Variants in NUDT5 observed in about 807,000 individuals in gnomAD.
NUDT5 encodes nudix hydrolase 5, also known as ADP-sugar pyrophosphatase.
A neutral mutation model predicts 34.1 loss-of-function variants in NUDT5; 21 were observed. The ratio of observed to expected loss-of-function variants is 0.62; its 90% CI spans 0.44 to 0.89. The LOEUF is 0.89. Among genes scored for constraint, NUDT5 ranks in the 40% least tolerant of loss-of-function variants. The pLI is 0.00. For missense variants in NUDT5, 249 were observed against 274.8 expected, an observed-to-expected ratio of 0.91 and a Z score of 0.66; for synonymous variants, 85 against 97.6, an observed-to-expected ratio of 0.87 and a Z score of 0.76.
intron 1 of NUDT5, 25 bp from the exon 2 acceptor site, chr10:12,186,357 G>C: frequency 8.2e-7 from 1 of 1,221,590 alleles, no homozygotes; most frequent in Non-Finnish European, 1.2e-6. Context: ...GATTTGTTCA[G>C]GCTAAAATTA....
chr10:12,171,768 G>A lies in NUDT5; in HGVS notation c.488-860C>T, dbSNP rs932225457. Among the ~76,000 whole-genome samples the A allele has an allele frequency of 1.0e-4, 15 of 149,892 alleles. No homozygotes were observed. Among genetic ancestry groups the A allele is most frequent in the African/African-American group, 3.0e-4 (12 of 40,586 alleles). On this transcript the variant is annotated intron_variant, in intron 7 of 9. Coordinates refer to ENST00000491614, the MANE Select transcript of NUDT5 (RefSeq NM_014142.4). This position sits in a 1 kb window ranked among gnomAD's most constrained non-coding sequence, Gnocchi z 4.2. The stretch of plus-strand genomic sequence containing the variant: ...GAGACAGGGTCTCAGTCTGTTGCCC[G>A]GGCTGGAGTGCAGTGGTGTGATCTT...
At chr10:12,183,684 A>G (rs1387796218) in intron 3 of NUDT5, among the ~76,000 whole-genome samples, 1 of 152,230 alleles carries the variant, frequency 6.6e-6, no homozygotes, top group Non-Finnish European at 1.5e-5. Flanking sequence ...TATAATATCA[A>G]AAGATTGCTA....
At position 12,184,889 on chromosome 10, in the gene NUDT5, C is replaced by T; in HGVS notation, c.131G>A (p.Arg44Lys). The T allele has an allele frequency of 6.4e-7, 1 of 1,551,354 alleles. No homozygotes were observed. The highest frequency in any genetic ancestry group is 8.8e-7 in the Non-Finnish European group (1 of 1,138,596). The change falls in exon 3 of 10, where the codon AGA (arginine) becomes AAA (lysine). Residue 44 changes from arginine to lysine, a missense_variant and splice_region_variant. Transcript: ENST00000491614. The part of the protein sequence containing the change: ...TTYMDPTGKT[R>K]TWESVKRTTR... ...TTTGTAAGAAAAAAAAAAAGTTTAC[C>T]TAGTTTTACCAGTAGGATCCATGTA...
intron 5 of NUDT5, among the ~76,000 whole-genome samples, chr10:12,174,258 T>C (rs949730120): frequency 6.7e-6 from 1 of 150,264 alleles, no homozygotes; most frequent in African/African-American, 2.5e-5. Context: ...ACCTGAGGAT[T>C]GGAACTCTTT....
In NUDT5 at chr10:12,174,503, C is replaced by T. The variant is rs1228959319; in HGVS notation, c.290-690G>A. Among the ~76,000 whole-genome samples the T allele has an allele frequency of 2.0e-5, 3 of 150,878 alleles. No homozygotes were observed. The South Asian group carries it at 6.3e-4, about 32-fold the overall frequency. On this transcript the variant is annotated intron_variant, in intron 5 of 9. Coordinates refer to ENST00000491614, the MANE Select transcript of NUDT5 (RefSeq NM_014142.4). Reference sequence around the variant, plus strand: ...TGTTGGCCAGGCTGCTTTCGAACTCCTGGCCTCAAGTGATTCACCCGCCTC... The same window carrying T: ...TGTTGGCCAGGCTGCTTTCGAACTCTTGGCCTCAAGTGATTCACCCGCCTC...
At chr10:12,186,203 A>G in intron 2 of NUDT5, 26 bp downstream of exon 2, 7 of 1,539,836 alleles carry the variant, frequency 4.5e-6, no homozygotes, top group African/African-American at 1.4e-5. Flanking sequence ...TGGGGGAGGG[A>G]AGGGAAAGTG....
In NUDT5 at chr10:12,184,966, T is replaced by G; in HGVS notation, c.64-10A>C. 2 of 1,453,166 alleles carry G rather than the reference T, an allele frequency of 1.4e-6. No homozygotes were observed. The highest frequency in any genetic ancestry group is 2.4e-5 in the South Asian group (2 of 84,330). The allele number at this position is 1,453,166 out of a possible 1,614,324, so 90.0% of individuals were successfully genotyped here. A position where few individuals can be genotyped will look rare whatever the true frequency, so the allele number is the denominator to read the frequency against. On this transcript the variant is annotated splice_polypyrimidine_tract_variant and intron_variant, in intron 2 of 9. Transcript: ENST00000491614. Reference sequence around the variant, plus strand: ...TTCCTTCTGAAATTAACTAAAAGGATATCAGATAATAAGTTGGGAAACTTT... The same window carrying G: ...TTCCTTCTGAAATTAACTAAAAGGAGATCAGATAATAAGTTGGGAAACTTT...
In NUDT5 at chr10:12,173,678, G is replaced by A. The variant is rs1834898674; in HGVS notation, c.385+40C>T. The stretch of plus-strand genomic sequence containing the variant: ...CAAATAATCAATCCCTTCCCAGACG[G>A]AGGAATCCATCACTTGGTGAATTTT... On this transcript the variant is annotated intron_variant, in intron 6 of 9. Transcript: ENST00000491614. The surrounding 1 kb of genome is among the most constrained non-coding windows in gnomAD (Gnocchi z 4.7). The A allele has an allele frequency of 7.1e-7, 1 of 1,401,498 alleles. No individual in the cohort carries two copies. Among genetic ancestry groups the A allele is most frequent in the African/African-American group, 1.4e-5 (1 of 70,768 alleles). The allele number at this position is 1,401,498 out of a possible 1,614,324, so 86.8% of individuals were successfully genotyped here.
At chr10:12,172,646 A>G (rs1158337479) in intron 7 of NUDT5, 119 bp downstream of exon 7, 7 of 690,456 alleles carry the variant, frequency 1.0e-5, no homozygotes, top group East Asian at 2.7e-5. Context: ...GATGAAGTCT[A>G]TTTGAAAGAC....
chr10:12,170,032 T>C lies in NUDT5; in HGVS notation c.550+685A>G. 1 of 1,387,904 alleles carries C rather than the reference T, an allele frequency of 7.2e-7. No individual in the cohort carries two copies. The highest frequency in any genetic ancestry group is 1.7e-5 in the Admixed American group (1 of 58,314). 86.0% of individuals were successfully genotyped at this position (1,387,904 alleles called of 1,614,324 possible). On this transcript the variant is annotated intron_variant, in intron 9 of 9. Coordinates refer to ENST00000491614, the MANE Select transcript of NUDT5 (RefSeq NM_014142.4). This position sits in a 1 kb window ranked among gnomAD's most constrained non-coding sequence, Gnocchi z 4.9. ...ACAGAGGTGCTCCTTGAAGGGCCCA[T>C]GGTATGTCTCCATACAGTATCTCCT...
intron 2 of NUDT5, among the ~76,000 whole-genome samples, chr10:12,185,446 A>G (rs913157832): frequency 2.0e-5 from 3 of 152,242 alleles, no homozygotes; most frequent in Non-Finnish European, 4.4e-5. Context: ...TGGATCTCCT[A>G]TCATGACACG....
intron 3 of NUDT5, among the ~76,000 whole-genome samples, chr10:12,184,293 C>T (rs1414778492): frequency 6.6e-6 from 1 of 152,092 alleles, no homozygotes; most frequent in South Asian, 2.1e-4. Context: ...CCGATGCCCC[C>T]CGCCCCGGCC....
chr10:12,169,091 T>C lies in NUDT5; in HGVS notation c.551-1280A>G, dbSNP rs866209689. Among the ~76,000 whole-genome samples, 7 of 152,196 alleles carry C rather than the reference T, an allele frequency of 4.6e-5. No homozygotes were observed. The highest frequency in any genetic ancestry group is 1.0e-4 in the Non-Finnish European group (7 of 68,036). ...AAACTGATCTTAAAATGTAATACTT[T>C]CCTTCCGACTTCTCAAATGTTGCTG... On this transcript the variant is annotated intron_variant, in intron 9 of 9. Coordinates refer to ENST00000491614, the MANE Select transcript of NUDT5 (RefSeq NM_014142.4). The surrounding 1 kb of genome is among the most constrained non-coding windows in gnomAD (Gnocchi z 4.8).
rs1373553136 is a variant in NUDT5 at position 12,171,682 on chromosome 10, A to ATTTAT, written c.488-779_488-775dup. On this transcript the variant is annotated intron_variant, in intron 7 of 9. Transcript: ENST00000491614. This position sits in a 1 kb window ranked among gnomAD's most constrained non-coding sequence, Gnocchi z 4.2. ...GTATATGTGCAGTTCAAAAATTAAG[A>ATTTAT]TTTATTTTATTTATTTATTTATTTA... 6.9e-6 allele frequency among the ~76,000 whole-genome samples: 1 copy of ATTTAT among 144,216 alleles called. No individual in the cohort carries two copies. The highest frequency in any genetic ancestry group is 2.0e-4 in the East Asian group (1 of 4,994). 94.6% of individuals were successfully genotyped at this position (144,216 alleles called of 152,430 possible).
rs758402653 is a variant in NUDT5 at position 12,166,705 on chromosome 10, ACTGGAAAGTC to A, written c.*987_*996del. The A allele has an allele frequency of 1.2e-5, 6 of 509,424 alleles. No homozygotes were observed. The Admixed American group carries it at 1.3e-4, about 11-fold the overall frequency. The allele number at this position is 509,424 out of a possible 1,614,324, so 31.6% of individuals were successfully genotyped here. A position where few individuals can be genotyped will look rare whatever the true frequency, so the allele number is the denominator to read the frequency against. On this transcript the variant is annotated 3_prime_UTR_variant, in exon 10 of 10. Coordinates refer to ENST00000491614, the MANE Select transcript of NUDT5 (RefSeq NM_014142.4). ...ATCCTGAGAATTCCGTGGGGGCCAGACTGGAAAGTCCTGGAAAATCATGGAGCTGCTGGAG... is the reference window on the plus strand; with the variant it reads ...ATCCTGAGAATTCCGTGGGGGCCAGACTGGAAAATCATGGAGCTGCTGGAG...
rs1171998541 is a variant in NUDT5 at position 12,182,719 on chromosome 10, G to T, written c.131+2170C>A. On this transcript the variant is annotated intron_variant, in intron 3 of 9. Coordinates refer to ENST00000491614, the MANE Select transcript of NUDT5 (RefSeq NM_014142.4). The surrounding 1 kb of genome is among the most constrained non-coding windows in gnomAD (Gnocchi z 4.3). ...ACCAGTCAGGCGAAGAGATGAGCTG[G>T]CGCGAACACATCTTTTTATTTTATT... Among the ~76,000 whole-genome samples, 2 of 152,090 alleles carry T rather than the reference G, an allele frequency of 1.3e-5. No homozygotes were observed. The highest frequency in any genetic ancestry group is 1.3e-4 in the Admixed American group (2 of 15,262).
intron 2 of NUDT5, 140 bp downstream of exon 2, chr10:12,186,089 G>A (rs1005664041): frequency 8.9e-6 from 6 of 677,530 alleles, no homozygotes; most frequent in East Asian, 2.7e-5. Flanking sequence ...AAATGTGCCC[G>A]AGCCCAAAAA....
chr10:12,165,786 A>T lies in NUDT5; in HGVS notation c.*1916T>A, dbSNP rs568865310. On this transcript the variant is annotated 3_prime_UTR_variant, in exon 10 of 10. Coordinates refer to ENST00000491614, the MANE Select transcript of NUDT5 (RefSeq NM_014142.4). ...TGTCTTACGTAGCTTATGCTTACAAAGCCAAATAATCGCAGGGCAAGGCAG... is the reference window on the plus strand; with the variant it reads ...TGTCTTACGTAGCTTATGCTTACAATGCCAAATAATCGCAGGGCAAGGCAG... The T allele has an allele frequency of 2.8e-4, 42 of 152,340 alleles. No individual in the cohort carries two copies. The highest frequency in any genetic ancestry group is 9.9e-4 in the African/African-American group (41 of 41,588). The allele number at this position is 152,340 out of a possible 1,614,324, so 9.4% of individuals were successfully genotyped here. A position where few individuals can be genotyped will look rare whatever the true frequency, so the allele number is the denominator to read the frequency against.
In NUDT5 at chr10:12,169,908, A is replaced by G; in HGVS notation, c.550+809T>C. 2.1e-6 allele frequency: 1 copy of G among 485,806 alleles called. No individual in the cohort carries two copies. Among genetic ancestry groups the G allele is most frequent in the Non-Finnish European group, 3.7e-6 (1 of 273,714 alleles). 30.1% of individuals were successfully genotyped at this position (485,806 alleles called of 1,614,324 possible). A position where few individuals can be genotyped will look rare whatever the true frequency, so the allele number is the denominator to read the frequency against. The stretch of plus-strand genomic sequence containing the variant: ...ATCACTTAAAAACAGTAGAAAAATC[A>G]GTTATCAATTACCTAAAACACTTAT... On this transcript the variant is annotated intron_variant, in intron 9 of 9. Coordinates refer to ENST00000491614, the MANE Select transcript of NUDT5 (RefSeq NM_014142.4). This position sits in a 1 kb window ranked among gnomAD's most constrained non-coding sequence, Gnocchi z 4.8.
Sources: allele counts gnomAD v4.1 joint callset (sites outside exome capture counted in the v4.1 genomes callset), GRCh38; gene constraint gnomAD v4.1.1; non-coding constraint Gnocchi (gnomAD v3.1); transcripts MANE v1.5; gene names NCBI Gene and HGNC (gene_info 2026-07-23, HGNC 2026-07-21).